SUCLG2: variants seen among roughly 807,000 people sequenced by gnomAD.
SUCLG2 encodes the protein succinate--CoA ligase [GDP-forming] subunit beta, mitochondrial.
In SUCLG2, 42 loss-of-function variants were observed where a neutral mutation model predicts 47.9. That is an observed-to-expected ratio of 0.88 (90% confidence interval 0.69 to 1.14). The LOEUF is 1.14. Among genes scored for constraint, SUCLG2 ranks in the 50% most tolerant of loss-of-function variants. SUCLG2 has a pLI of 0.00. For missense variants in SUCLG2, 571 were observed against 525.9 expected, an observed-to-expected ratio of 1.09 and a Z score of -0.84; for synonymous variants, 195 against 197.3, an observed-to-expected ratio of 0.99 and a Z score of 0.10.
chr3:67,552,693 T>C (rs1043855392), intron 2 of SUCLG2, among the ~76,000 whole-genome samples: 1 of 152,356 alleles, frequency 6.6e-6, no homozygotes, highest in Middle Eastern at 3.4e-3. Context: ...AGTTTCTTCA[T>C]CTGCAAAACA....
chr3:67,458,731 A>G (rs1244844629), intron 9 of SUCLG2, among the ~76,000 whole-genome samples: 2 of 152,132 alleles, frequency 1.3e-5, no homozygotes, highest in East Asian at 3.8e-4. Context: ...AACAGGAACC[A>G]CCCCACCAGT....
At chr3:67,376,178 G>A in intron 10 of SUCLG2, 4 of 968,442 alleles carry the variant, frequency 4.1e-6, no homozygotes, top group Non-Finnish European at 4.9e-6. Context: ...GAAGTCACTT[G>A]TCTTAAAGCC....
chr3:67,374,790 T>G lies in SUCLG2; in HGVS notation c.*954A>C. 1.0e-6 allele frequency: 1 copy of G among 981,690 alleles called. No individual in the cohort carries two copies. The highest frequency in any genetic ancestry group is 1.2e-6 in the Non-Finnish European group (1 of 826,908). 60.8% of individuals were successfully genotyped at this position (981,690 alleles called of 1,614,324 possible). On this transcript the variant is annotated 3_prime_UTR_variant, in exon 11 of 11. Coordinates refer to ENST00000307227, the MANE Select transcript of SUCLG2 (RefSeq NM_003848.4). ...ATCTACCAAAATTTAAACAAAAATT[T>G]TATCCAAATCCTTTCCCACAACAAA...
intron 9 of SUCLG2, among the ~76,000 whole-genome samples, chr3:67,442,252 C>T (rs922523309): frequency 2.6e-5 from 4 of 152,050 alleles, no homozygotes; most frequent in African/African-American, 7.2e-5. Context: ...CCTCGTGATC[C>T]GCCCGCCTCG....
At chr3:67,453,949 TTGTG>T (rs1298992916) in intron 9 of SUCLG2, among the ~76,000 whole-genome samples, 5 of 152,264 alleles carry the variant, frequency 3.3e-5, no homozygotes, top group Admixed American at 6.5e-5. Context: ...GTCGTGCATT[TTGTG>T]TGTGTGTATG....
At chr3:67,498,402 T>G in intron 7 of SUCLG2, 107 bp from the exon 8 acceptor site, 1 of 1,195,856 alleles carries the variant, frequency 8.4e-7, no homozygotes, top group Non-Finnish European at 1.2e-6. Context: ...TACTGTCATT[T>G]TTTTTCACAT....
chr3:67,600,664 T>C (rs1300614682), intron 2 of SUCLG2, among the ~76,000 whole-genome samples: 1 of 152,216 alleles, frequency 6.6e-6, no homozygotes, highest in African/African-American at 2.4e-5. Flanking sequence ...TGAAACTGTA[T>C]TTCCCAGCCA....
intron 4 of SUCLG2, among the ~76,000 whole-genome samples, chr3:67,521,638 T>C (rs1028088580): frequency 4.0e-5 from 6 of 151,220 alleles, no homozygotes; most frequent in African/African-American, 1.5e-4. Context: ...AGTCTCACTC[T>C]GTCACTGAGG....
At chr3:67,424,066 C>T (rs73102322) in intron 9 of SUCLG2, among the ~76,000 whole-genome samples, 9,781 of 152,204 alleles carry the variant, frequency 0.064, 408 homozygotes, top group East Asian at 0.2. Context: ...TCAAGGATTG[C>T]TTTAGTAGAA....
At chr3:67,509,303 T>G (rs898445555) in intron 6 of SUCLG2, among the ~76,000 whole-genome samples, 3 of 152,238 alleles carry the variant, frequency 2.0e-5, no homozygotes, top group Non-Finnish European at 4.4e-5. Flanking sequence ...CTTATTGTGC[T>G]GAAATAAAAC....
At chr3:67,529,250 A>G in intron 2 of SUCLG2, 64 bp from the exon 3 acceptor site, 1 of 1,313,782 alleles carries the variant, frequency 7.6e-7, no homozygotes, top group Non-Finnish European at 1.1e-6. Context: ...TTTAAGCAAT[A>G]AGGAAAGCAA....
intron 9 of SUCLG2, among the ~76,000 whole-genome samples, chr3:67,428,143 C>A (rs1703356594): frequency 6.6e-6 from 1 of 152,202 alleles, no homozygotes; most frequent in Non-Finnish European, 1.5e-5. Context: ...CAGACTGCCT[C>A]CTCAAGTGGG....
At chr3:67,555,721 C>G (rs1349066278) in intron 2 of SUCLG2, among the ~76,000 whole-genome samples, 1 of 152,180 alleles carries the variant, frequency 6.6e-6, no homozygotes, top group South Asian at 2.1e-4. Context: ...GAAGAACAGG[C>G]TCTTCCTTAT....
At chr3:67,609,661 A>G in intron 1 of SUCLG2, 65 bp from the exon 2 acceptor site, 2 of 1,534,126 alleles carry the variant, frequency 1.3e-6, no homozygotes, top group Non-Finnish European at 1.8e-6. Flanking sequence ...AAGTCAACCT[A>G]CATGGCCAGT....
At chr3:67,528,016 A>G in intron 4 of SUCLG2, 116 bp downstream of exon 4, 1 of 879,610 alleles carries the variant, frequency 1.1e-6, no homozygotes, top group Non-Finnish European at 1.7e-6. Context: ...TTAAAAAATA[A>G]AATGGCACAC....
chr3:67,409,928 T>TTGGAG (rs1351254951), intron 9 of SUCLG2, among the ~76,000 whole-genome samples: 1 of 152,190 alleles, frequency 6.6e-6, no homozygotes, highest in African/African-American at 2.4e-5. Flanking sequence ...TCTGTTTCCT[T>TTGGAG]AAATCAAAGT....
At chr3:67,590,222 TA>T (rs1169913827) in intron 2 of SUCLG2, among the ~76,000 whole-genome samples, 1 of 152,184 alleles carries the variant, frequency 6.6e-6, no homozygotes, top group African/African-American at 2.4e-5. Context: ...ATAAAAAACA[TA>T]ATTTTAAAAT....
chr3:67,417,717 C>G (rs1703067452), intron 9 of SUCLG2, among the ~76,000 whole-genome samples: 1 of 152,138 alleles, frequency 6.6e-6, no homozygotes, highest in Admixed American at 6.6e-5. Flanking sequence ...TCCCCTTTTC[C>G]TCCAGCAGAG....
chr3:67,592,587 A>G (rs1261461199), intron 2 of SUCLG2, among the ~76,000 whole-genome samples: 4 of 152,084 alleles, frequency 2.6e-5, no homozygotes, highest in Non-Finnish European at 4.4e-5. Flanking sequence ...TGTTAATTCA[A>G]TATTAATTCA....
Sources: gnomAD v4.1 joint callset for allele counts (sites outside exome capture counted in the v4.1 genomes callset) on GRCh38, gnomAD v4.1.1 for gene constraint, MANE v1.5 for transcripts, NCBI Gene and HGNC (gene_info 2026-07-23, HGNC 2026-07-21) for gene names.